The following PPFIA1 variants were observed in gnomAD, a reference collection of about 807,000 sequenced individuals.
The protein encoded by PPFIA1 is liprin-alpha-1.
A neutral mutation model predicts 149.9 loss-of-function variants in PPFIA1; 25 were observed. That is an observed-to-expected ratio of 0.17 (90% CI 0.12 to 0.23). The LOEUF (loss-of-function observed/expected upper bound fraction) is 0.23. Ranked by LOEUF, PPFIA1 falls within the 10% of genes least tolerant of loss-of-function variation. The pLI is 1.00. For synonymous variants in PPFIA1, 549 were observed against 552.8 expected (o/e 0.99, Z 0.10); for missense variants, 1,362 against 1,506.5 (o/e 0.90, Z 1.59).
At chr11:70,363,571 T>A (rs1196802302) in intron 21 of PPFIA1, among the ~76,000 whole-genome samples, 1 of 152,204 alleles carries the variant, frequency 6.6e-6, no homozygotes, top group African/African-American at 2.4e-5. Context: ...TGGAGTGCAG[T>A]GGCTCAATCG....
At chr11:70,344,226 G>T (rs1425350334) in intron 15 of PPFIA1, among the ~76,000 whole-genome samples, 1 of 152,206 alleles carries the variant, frequency 6.6e-6, no homozygotes, top group Non-Finnish European at 1.5e-5. Context: ...CCTGAAAGCT[G>T]CACCTGGAAG....
chr11:70,334,806 C>T (rs1003720641), intron 10 of PPFIA1, among the ~76,000 whole-genome samples: 3 of 152,208 alleles, frequency 2.0e-5, no homozygotes, highest in African/African-American at 7.2e-5. Flanking sequence ...TAACCCCGTG[C>T]CATTGCCTCC....
intron 2 of PPFIA1, among the ~76,000 whole-genome samples, chr11:70,274,510 G>C (rs1193412429): frequency 6.6e-6 from 1 of 152,158 alleles, no homozygotes; most frequent in African/African-American, 2.4e-5. Flanking sequence ...TTGTTTAAGT[G>C]AAGTAAAATA....
intron 2 of PPFIA1, among the ~76,000 whole-genome samples, chr11:70,293,574 A>G (rs533777000): frequency 6.6e-6 from 1 of 152,332 alleles, no homozygotes; most frequent in South Asian, 2.1e-4. Context: ...GCTGATTAGC[A>G]AAGTGTGAGA....
At chr11:70,295,129 G>A (rs770942605) in intron 2 of PPFIA1, among the ~76,000 whole-genome samples, 9 of 151,060 alleles carry the variant, frequency 6.0e-5, no homozygotes, top group South Asian at 2.1e-4. Flanking sequence ...CAGTAGGGGC[G>A]GCCGGGCAGA....
At chr11:70,345,577 G>C (rs1293981225) in intron 15 of PPFIA1, among the ~76,000 whole-genome samples, 1 of 151,998 alleles carries the variant, frequency 6.6e-6, no homozygotes, top group Non-Finnish European at 1.5e-5. Context: ...AGATGAGGAA[G>C]ACACTGGTTT....
chr11:70,332,085 G>A lies in PPFIA1; in HGVS notation c.1203G>A (p.Ala401=), dbSNP rs775657756. The A allele has an allele frequency of 1.9e-5, 30 of 1,605,240 alleles. No individual in the cohort carries two copies. The highest frequency in any genetic ancestry group is 2.3e-5 in the Non-Finnish European group (27 of 1,176,688). ...VEAELAQRVA[A]LSKAEERHGN... ...CGGAGCTGGCCCAGAGGGTGGCAGC[G>A]CTTTCCAAGGTAGTGCCATGAGCTT... is the stretch of plus-strand genomic sequence containing the variant. The change falls in exon 9 of 28, where the codon GCG becomes GCA. Residue 401 remains alanine (A), a synonymous_variant. Coordinates refer to ENST00000253925, the MANE Select transcript of PPFIA1 (RefSeq NM_003626.5).
intron 2 of PPFIA1, among the ~76,000 whole-genome samples, chr11:70,317,010 C>T (rs941863724): frequency 6.6e-6 from 1 of 152,136 alleles, no homozygotes; most frequent in Admixed American, 6.5e-5. Flanking sequence ...TACATATTTG[C>T]ATTCTTCAGA....
chr11:70,382,031 T>C (rs148097879), intron 26 of PPFIA1, 57 bp from the exon 27 acceptor site: 1 of 1,505,586 alleles, frequency 6.6e-7, no homozygotes, highest in Admixed American at 1.7e-5. Context: ...TCATGTGATG[T>C]TCTAAGACTA....
chr11:70,313,784 G>C (rs1446321312), intron 2 of PPFIA1, among the ~76,000 whole-genome samples: 1 of 152,290 alleles, frequency 6.6e-6, no homozygotes, highest in East Asian at 1.9e-4. Context: ...CCAGCACTTT[G>C]GGAGGTGGAG....
chr11:70,326,518 T>G (rs1458800610), intron 6 of PPFIA1, 79 bp from the exon 7 acceptor site: 1 of 1,357,160 alleles, frequency 7.4e-7, no homozygotes, highest in Non-Finnish European at 1.0e-6. Context: ...AGTTTTGATT[T>G]TAGCTATTTC....
Position 70,360,077 on chromosome 11 carries a change from C to T in PPFIA1, c.2583-2018C>T, listed in dbSNP as rs574476451. ...AGGGGAGGGGAGCCAGGACACACAC[C>T]GAGGCCTGGGCCCGCCACCCAGATG... is the stretch of plus-strand genomic sequence containing the variant. On this transcript the variant is annotated intron_variant, in intron 19 of 27. Transcript: ENST00000253925. 5.3e-5 allele frequency among the ~76,000 whole-genome samples: 8 copies of T among 152,344 alleles called. No homozygotes were observed. In the South Asian group the frequency reaches 6.2e-4, roughly 12 times the overall value.
chr11:70,292,984 G>A (rs1052729398), intron 2 of PPFIA1, among the ~76,000 whole-genome samples: 2 of 152,156 alleles, frequency 1.3e-5, no homozygotes, highest in African/African-American at 4.8e-5. Context: ...TTGAGCATCC[G>A]GGGCAGCTGC....
At chr11:70,351,831 C>G (rs2056073397) in intron 16 of PPFIA1, among the ~76,000 whole-genome samples, 1 of 152,286 alleles carries the variant, frequency 6.6e-6, no homozygotes, top group African/African-American at 2.4e-5. Context: ...CACCATCTAG[C>G]CTTACTTGTC....
chr11:70,327,102 G>A (rs758581914), intron 7 of PPFIA1: 24 of 359,868 alleles, frequency 6.7e-5, no homozygotes, highest in Non-Finnish European at 1.1e-4. Flanking sequence ...TCTCCTACCT[G>A]TGCTGCTTTA....
At chr11:70,291,292 A>G (rs760166463) in intron 2 of PPFIA1, among the ~76,000 whole-genome samples, 1 of 152,240 alleles carries the variant, frequency 6.6e-6, no homozygotes, top group African/African-American at 2.4e-5. Flanking sequence ...ATGGTATCCT[A>G]CATACCCTTA....
At chr11:70,272,116 T>C in intron 1 of PPFIA1, 57 bp from the exon 2 acceptor site, 1 of 1,551,582 alleles carries the variant, frequency 6.4e-7, no homozygotes, top group South Asian at 1.2e-5. Flanking sequence ...AAGTTGCATA[T>C]TTGTGGGAAC....
intron 2 of PPFIA1, among the ~76,000 whole-genome samples, chr11:70,288,942 A>G (rs1004651451): frequency 3.4e-5 from 5 of 147,080 alleles, no homozygotes; most frequent in African/African-American, 7.5e-5. Context: ...GGGTGTGGCC[A>G]CTGTCACGGG....
intron 9 of PPFIA1, chr11:70,332,889 C>T (rs901595464): frequency 5.1e-6 from 2 of 389,322 alleles, no homozygotes; most frequent in African/African-American, 4.1e-5. Context: ...TTTTAGGGCT[C>T]ACACACCTGT....
Sources: gnomAD v4.1 joint callset for allele counts (sites outside exome capture counted in the v4.1 genomes callset) on GRCh38, gnomAD v4.1.1 for gene constraint, MANE v1.5 for transcripts, NCBI Gene and HGNC (gene_info 2026-07-23, HGNC 2026-07-21) for gene names.